TPH2: variants seen among roughly 807,000 people sequenced by gnomAD.
TPH2 encodes the protein tryptophan 5-hydroxylase 2.
A neutral mutation model predicts 59.1 loss-of-function variants in TPH2; 27 were observed. That is an observed-to-expected ratio of 0.46 (90% CI 0.34 to 0.63). TPH2 has a LOEUF of 0.63. TPH2 is among the 30% of genes least tolerant of loss of function. TPH2 has a pLI of 0.01. For synonymous variants in TPH2, 220 were observed against 210.5 expected (o/e 1.05, Z -0.39); for missense variants, 523 against 588.3 (o/e 0.89, Z 1.15).
chr12:71,979,488 C>G (rs756119215), intron 7 of TPH2, among the ~76,000 whole-genome samples: 2 of 152,182 alleles, frequency 1.3e-5, no homozygotes, highest in Non-Finnish European at 2.9e-5. Context: ...CATTACTAAT[C>G]CCCTCTCATC....
chr12:71,944,548 G>A (rs748915501), intron 3 of TPH2, 38 bp from the exon 4 acceptor site: 10 of 1,613,684 alleles, frequency 6.2e-6, no homozygotes, highest in Admixed American at 1.7e-5. Flanking sequence ...AACACAATCT[G>A]TGAACTAATA....
At chr12:72,015,747 C>T (rs1405263418) in intron 8 of TPH2, among the ~76,000 whole-genome samples, 1 of 152,116 alleles carries the variant, frequency 6.6e-6, no homozygotes, top group South Asian at 2.1e-4. Flanking sequence ...CAGATGCTTG[C>T]TAGACTTGCA....
chr12:71,949,902 C>G (rs141344820), intron 5 of TPH2, among the ~76,000 whole-genome samples: 1 of 152,276 alleles, frequency 6.6e-6, no homozygotes, highest in East Asian at 1.9e-4. Flanking sequence ...TCCAGCTCCA[C>G]CAAGACAAAG....
chr12:71,964,709 T>G lies in TPH2; in HGVS notation c.609-7810T>G, dbSNP rs186820418. 2.1e-4 allele frequency: 204 copies of G among 985,386 alleles called. No homozygotes were observed. In the African/African-American group the frequency reaches 3.4e-3, roughly 17 times the overall value. 61.0% of individuals were successfully genotyped at this position (985,386 alleles called of 1,614,324 possible). The stretch of plus-strand genomic sequence containing the variant: ...CTGATTGAAATTTCTACACACCTGG[T>G]GTGACACCTCAGTTGTGAGACATGC... On this transcript the variant is annotated intron_variant, in intron 5 of 10. Coordinates refer to ENST00000333850, the MANE Select transcript of TPH2 (RefSeq NM_173353.4).
chr12:71,969,223 C>T (rs1871904729), intron 5 of TPH2, among the ~76,000 whole-genome samples: 2 of 152,138 alleles, frequency 1.3e-5, no homozygotes, highest in South Asian at 4.1e-4. Context: ...GCGGAGCTTG[C>T]AGTGAGCCGG....
intron 8 of TPH2, among the ~76,000 whole-genome samples, chr12:72,021,480 G>A (rs1341968169): frequency 6.6e-6 from 1 of 150,450 alleles, no homozygotes; most frequent in East Asian, 1.9e-4. Flanking sequence ...ATGATGGTGT[G>A]AAAGTGATAT....
intron 1 of TPH2, among the ~76,000 whole-genome samples, chr12:71,941,366 C>T (rs1021195520): frequency 2.6e-5 from 4 of 152,068 alleles, no homozygotes; most frequent in African/African-American, 9.7e-5. Context: ...ATTTCAACCA[C>T]TAGATGATGT....
At chr12:71,960,863 G>C (rs1871660302) in intron 5 of TPH2, among the ~76,000 whole-genome samples, 1 of 152,138 alleles carries the variant, frequency 6.6e-6, no homozygotes, top group Non-Finnish European at 1.5e-5. Flanking sequence ...GATTTATATG[G>C]AACAGTGCTG....
Position 71,944,405 on chromosome 12 carries a change from A to G in TPH2, c.367A>G (p.Ile123Val), listed in dbSNP as rs1302695288. 12 of 1,613,884 alleles carry G rather than the reference A, an allele frequency of 7.4e-6. No individual in the cohort carries two copies. The highest frequency in any genetic ancestry group is 1.0e-5 in the Non-Finnish European group (12 of 1,179,906). ...ECGKTEFNEL[I>V]QLLKFQTTIV... ...TGGGAAAACAGAATTCAATGAGCTC[A>G]TTCAGTTGCTGAAATTTCAAACCAC... Residue 123 changes from isoleucine to valine, a missense_variant, in exon 3 of 11, where the codon ATT (isoleucine) becomes GTT (valine). Ile to Val is a conservative substitution (Grantham distance 29). Coordinates refer to ENST00000333850, the MANE Select transcript of TPH2 (RefSeq NM_173353.4).
At chr12:72,008,645 T>C (rs1220731485) in intron 8 of TPH2, among the ~76,000 whole-genome samples, 1 of 152,172 alleles carries the variant, frequency 6.6e-6, no homozygotes, top group African/African-American at 2.4e-5. Context: ...CCCCATTTTA[T>C]AGGTGAATAA....
In TPH2 at chr12:71,941,611, G is replaced by A. The variant is rs1451451172; in HGVS notation, c.133G>A (p.Asp45Asn). 6.2e-7 allele frequency: 1 copy of A among 1,613,962 alleles called. No homozygotes were observed. The highest frequency in any genetic ancestry group is 1.7e-5 in the Admixed American group (1 of 59,978). Residue 45 changes from aspartate to asparagine, a missense_variant, in exon 2 of 11, where the codon GAC becomes AAC. By Grantham distance (23) the Asp-to-Asn change is conservative. Coordinates refer to ENST00000333850, the MANE Select transcript of TPH2 (RefSeq NM_173353.4). ...AAATAAACCTAACTCTGGCAAAAATGACGACAAAGGCAACAAGGGAAGCAG... is the reference window on the plus strand; with the variant it reads ...AAATAAACCTAACTCTGGCAAAAATAACGACAAAGGCAACAAGGGAAGCAG... ...TLNKPNSGKNDDKGNKGSSKR... is the reference protein window; with the variant it reads ...TLNKPNSGKNNDKGNKGSSKR...
At chr12:71,968,427 C>T (rs768769052) in intron 5 of TPH2, among the ~76,000 whole-genome samples, 11 of 152,194 alleles carry the variant, frequency 7.2e-5, no homozygotes, top group Non-Finnish European at 1.6e-4. Context: ...CTTTGCTGGG[C>T]ATTAGACTTC....
intron 3 of TPH2, 34 bp downstream of exon 3, chr12:71,944,511 C>A: frequency 6.2e-7 from 1 of 1,613,736 alleles, no homozygotes; most frequent in African/African-American, 1.3e-5. Context: ...GGTAACTTTG[C>A]AATCTGACAA....
At chr12:71,994,348 C>T in intron 7 of TPH2, 91 bp from the exon 8 acceptor site, 3 of 1,403,408 alleles carry the variant, frequency 2.1e-6, no homozygotes, top group Non-Finnish European at 3.0e-6. Flanking sequence ...ATTACAGTGA[C>T]AAGGTCTTAT....
intron 8 of TPH2, 144 bp from the exon 9 acceptor site, chr12:72,022,255 C>T: frequency 1.4e-6 from 1 of 697,946 alleles, no homozygotes; most frequent in South Asian, 1.5e-5. Context: ...GAATAGATTT[C>T]AATAAATGTT....
chr12:72,025,344 T>C (rs945560056), intron 9 of TPH2, among the ~76,000 whole-genome samples: 13 of 152,142 alleles, frequency 8.5e-5, no homozygotes, highest in African/African-American at 3.1e-4. Context: ...TTTATAACTT[T>C]TACATAAGTA....
chr12:71,939,455 G>A (rs557813444), intron 1 of TPH2, among the ~76,000 whole-genome samples: 37 of 150,884 alleles, frequency 2.5e-4, no homozygotes, highest in African/African-American at 8.5e-4. Flanking sequence ...ATTATGAGGA[G>A]GAGGAGTAGG....
intron 2 of TPH2, among the ~76,000 whole-genome samples, chr12:71,943,744 C>G (rs991365566): frequency 1.3e-5 from 2 of 151,888 alleles, no homozygotes; most frequent in African/African-American, 4.8e-5. Context: ...TACAGTTTGG[C>G]TAGTGTTTCC....
chr12:72,006,690 A>G (rs111747189), intron 8 of TPH2, among the ~76,000 whole-genome samples: 1,843 of 152,242 alleles, frequency 0.012, 33 homozygotes, highest in African/African-American at 0.039. Flanking sequence ...GAGCACAGAA[A>G]CACCAAAGTC....
Sources: allele counts gnomAD v4.1 joint callset (sites outside exome capture counted in the v4.1 genomes callset), GRCh38; gene constraint gnomAD v4.1.1; transcripts MANE v1.5; gene names NCBI Gene and HGNC (gene_info 2026-07-23, HGNC 2026-07-21).